The following CHN2 variants were observed in gnomAD, a reference collection of about 807,000 sequenced individuals.
The protein encoded by CHN2 is beta-chimaerin.
Under a neutral mutation model 56.3 loss-of-function variants are expected in CHN2, and 35 were observed. The observed-to-expected ratio is 0.62, with a 90% confidence interval of 0.47 to 0.82. The LOEUF is 0.82. Among genes scored for constraint, CHN2 ranks in the 40% least tolerant of loss-of-function variants. CHN2 has a pLI of 0.00. For synonymous variants in CHN2, 210 were observed against 212.8 expected (o/e 0.99, Z 0.12); for missense variants, 491 against 580.5 (o/e 0.85, Z 1.58).
intron 1 of CHN2, among the ~76,000 whole-genome samples, chr7:29,197,707 C>G (rs1023443204): frequency 1.3e-5 from 2 of 152,186 alleles, no homozygotes; most frequent in African/African-American, 4.8e-5. Context: ...AGGCATAGCC[C>G]TGAGTGTTTG....
intron 7 of CHN2, among the ~76,000 whole-genome samples, chr7:29,483,318 T>C (rs1315719626): frequency 6.6e-6 from 1 of 152,176 alleles, no homozygotes; most frequent in Non-Finnish European, 1.5e-5. Flanking sequence ...GACCTTGCGC[T>C]CTATTCTCTC....
intron 3 of CHN2, among the ~76,000 whole-genome samples, chr7:29,382,685 A>G (rs1800609179): frequency 6.6e-6 from 1 of 152,220 alleles, no homozygotes; most frequent in African/African-American, 2.4e-5. Context: ...CAATCCCAGT[A>G]AGATCGCCAC....
chr7:29,416,046 C>A (rs908316660), intron 6 of CHN2, among the ~76,000 whole-genome samples: 1 of 152,080 alleles, frequency 6.6e-6, no homozygotes, highest in Admixed American at 6.5e-5. Context: ...TGGATAAATG[C>A]GGCCCCACAG....
chr7:29,279,411 T>C (rs565891581), intron 1 of CHN2, among the ~76,000 whole-genome samples: 1 of 152,388 alleles, frequency 6.6e-6, no homozygotes, highest in Admixed American at 6.5e-5. Context: ...ATGCACGAAG[T>C]GCCAAGTTAG....
At chr7:29,413,557 T>G (rs1389318276) in intron 6 of CHN2, among the ~76,000 whole-genome samples, 1 of 152,258 alleles carries the variant, frequency 6.6e-6, no homozygotes, top group Non-Finnish European at 1.5e-5. Context: ...GTTTTTAATC[T>G]ATCATAAACT....
intron 2 of CHN2, among the ~76,000 whole-genome samples, chr7:29,158,895 T>C (rs1040604374): frequency 3.9e-5 from 6 of 152,242 alleles, no homozygotes; most frequent in African/African-American, 1.4e-4. Context: ...GGGGCTTTCA[T>C]TTTGTTCTGA....
At position 29,437,335 on chromosome 7, in the gene CHN2, ACG is replaced by A. The variant is rs1783302429; in HGVS notation, c.576+36509_576+36510del. Reference sequence around the variant, plus strand: ...TAAAACCGGCTGGGCGCGGTGGCTCACGCCTGTAATCCCAGCACTTTGGGAGG... The same window carrying A: ...TAAAACCGGCTGGGCGCGGTGGCTCACCTGTAATCCCAGCACTTTGGGAGG... On this transcript the variant is annotated intron_variant, in intron 6 of 12. Coordinates refer to ENST00000222792, the MANE Select transcript of CHN2 (RefSeq NM_004067.4). 4.7e-5 allele frequency among the ~76,000 whole-genome samples: 4 copies of A among 84,660 alleles called. 1 individual carries two copies. Among genetic ancestry groups the A allele is most frequent in the African/African-American group, 2.2e-4 (3 of 13,544 alleles). 55.5% of individuals were successfully genotyped at this position (84,660 alleles called of 152,430 possible).
intron 2 of CHN2, among the ~76,000 whole-genome samples, chr7:29,359,951 G>A (rs1337353587): frequency 6.6e-6 from 1 of 152,178 alleles, no homozygotes; most frequent in Non-Finnish European, 1.5e-5. Flanking sequence ...GGCATAGCTT[G>A]TGCCTGTTTT....
At chr7:29,350,191 A>G (rs1797774686) in intron 1 of CHN2, among the ~76,000 whole-genome samples, 1 of 152,192 alleles carries the variant, frequency 6.6e-6, no homozygotes. Context: ...CTCTGCCTCT[A>G]ACTTGTTTTA....
intron 1 of CHN2, among the ~76,000 whole-genome samples, chr7:29,211,171 C>T (rs925026123): frequency 7.2e-5 from 11 of 151,866 alleles, no homozygotes; most frequent in African/African-American, 2.4e-4. Flanking sequence ...CCCGGGTTCA[C>T]GCCATTCTCC....
chr7:29,415,534 G>A (rs1029044539), intron 6 of CHN2, among the ~76,000 whole-genome samples: 3 of 152,216 alleles, frequency 2.0e-5, no homozygotes, highest in African/African-American at 7.2e-5. Context: ...ATGCCTGGCA[G>A]AGAAGGCCCT....
chr7:29,499,829 A>C, intron 8 of CHN2, 38 bp from the exon 9 acceptor site: 1 of 1,503,218 alleles, frequency 6.7e-7, no homozygotes, highest in Non-Finnish European at 8.9e-7. Flanking sequence ...CTTTGACAAA[A>C]GGGCTGGGCT....
chr7:29,237,989 C>G (rs566241202), intron 1 of CHN2, among the ~76,000 whole-genome samples: 3 of 149,986 alleles, frequency 2.0e-5, no homozygotes, highest in Admixed American at 1.3e-4. Flanking sequence ...ATCTGTGTCA[C>G]ACACTCATAC....
chr7:29,364,361 A>G (rs1798975768), intron 2 of CHN2, among the ~76,000 whole-genome samples: 1 of 152,228 alleles, frequency 6.6e-6, no homozygotes. Flanking sequence ...CTCTTTTATA[A>G]CAGGTATGCA....
At chr7:29,387,417 G>A (rs1193949330) in intron 3 of CHN2, among the ~76,000 whole-genome samples, 1 of 152,174 alleles carries the variant, frequency 6.6e-6, no homozygotes, top group Non-Finnish European at 1.5e-5. Context: ...CATGCAATGA[G>A]GACAGGCACT....
intron 3 of CHN2, among the ~76,000 whole-genome samples, chr7:29,389,913 G>A (rs1304072053): frequency 6.6e-6 from 1 of 151,924 alleles, no homozygotes; most frequent in Non-Finnish European, 1.5e-5. Context: ...AATTAGCCAG[G>A]CACGGTGGTA....
chr7:29,430,915 C>T (rs1482138808), intron 6 of CHN2, among the ~76,000 whole-genome samples: 1 of 152,086 alleles, frequency 6.6e-6, no homozygotes, highest in Non-Finnish European at 1.5e-5. Flanking sequence ...TCCTGTAAGC[C>T]AGTCATTGAC....
Position 29,509,424 on chromosome 7 carries a change from G to T in CHN2, c.1235+18G>T. 1 of 1,586,180 alleles carries T rather than the reference G, an allele frequency of 6.3e-7. No homozygotes were observed. The highest frequency in any genetic ancestry group is 8.7e-7 in the Non-Finnish European group (1 of 1,154,852). ...CTCAAAAAGTAAGCTCATGTCTCGT[G>T]CACAAAGCCTGCTCTGCTCCTAGAG... On this transcript the variant is annotated intron_variant, in intron 12 of 12. Transcript: ENST00000222792.
intron 6 of CHN2, among the ~76,000 whole-genome samples, chr7:29,477,588 C>G (rs1786700346): frequency 6.6e-6 from 1 of 152,222 alleles, no homozygotes; most frequent in African/African-American, 2.4e-5. Flanking sequence ...GGAAAGGACC[C>G]TTTTTGCTTC....
Sources: gnomAD v4.1 joint callset for allele counts (sites outside exome capture counted in the v4.1 genomes callset) on GRCh38, gnomAD v4.1.1 for gene constraint, MANE v1.5 for transcripts, NCBI Gene and HGNC (gene_info 2026-07-23, HGNC 2026-07-21) for gene names.